DDAH1: variants seen among roughly 807,000 people sequenced by gnomAD.
DDAH1 encodes the protein N(G),N(G)-dimethylarginine dimethylaminohydrolase 1.
DDAH1 carries 19 observed loss-of-function variants against 28.8 expected under a neutral mutation model. The observed-to-expected ratio is 0.66, with a 90% CI of 0.46 to 0.97. The LOEUF (loss-of-function observed/expected upper bound fraction) is 0.97, where lower values mean the gene tolerates loss of function less well. Ranked by LOEUF, DDAH1 falls within the 50% of genes least tolerant of loss-of-function variation. DDAH1 has a pLI of 0.00. For missense variants in DDAH1, 326 were observed against 375.9 expected, an observed-to-expected ratio of 0.87 and a Z score of 1.10; for synonymous variants, 153 against 154.4, an observed-to-expected ratio of 0.99 and a Z score of 0.07.
chr1:85,335,258 T>G (rs980472147), intron 4 of DDAH1, among the ~76,000 whole-genome samples: 8 of 152,144 alleles, frequency 5.3e-5, no homozygotes, highest in African/African-American at 1.7e-4. Context: ...CAGGAATAAG[T>G]CCTCACATAT....
At chr1:85,448,646 T>C (rs1206954748) in intron 1 of DDAH1, among the ~76,000 whole-genome samples, 3 of 152,204 alleles carry the variant, frequency 2.0e-5, no homozygotes, top group African/African-American at 7.2e-5. Flanking sequence ...ATGACCTTTC[T>C]GCCAAAGGAT....
At chr1:85,325,069 TG>T (rs1647292658) in intron 4 of DDAH1, among the ~76,000 whole-genome samples, 186 bp from the exon 5 acceptor site, 1 of 152,234 alleles carries the variant, frequency 6.6e-6, no homozygotes. Flanking sequence ...TATGAGTCTT[TG>T]GAAGAATTGC....
In DDAH1 at chr1:85,464,727, T is replaced by C; in HGVS notation, c.303+16A>G. On this transcript the variant is annotated intron_variant, in intron 1 of 5. Transcript: ENST00000284031. The surrounding 1 kb of genome is among the most constrained non-coding windows in gnomAD (Gnocchi z 4.4). ...CTGGCGCGCGCCCCGGCCGCGCCCC[T>C]CGAGTCGGCAGTTACCTCCTTCCTC... The C allele has an allele frequency of 6.7e-7, 1 of 1,486,146 alleles. No individual in the cohort carries two copies. Among genetic ancestry groups the C allele is most frequent in the Non-Finnish European group, 8.9e-7 (1 of 1,127,564 alleles). 92.1% of individuals were successfully genotyped at this position (1,486,146 alleles called of 1,614,324 possible).
At chr1:85,452,187 T>C (rs758667325) in intron 1 of DDAH1, among the ~76,000 whole-genome samples, 4 of 152,162 alleles carry the variant, frequency 2.6e-5, no homozygotes, top group Non-Finnish European at 5.9e-5. Context: ...TCAATGGAAG[T>C]CAAGTGCCTT....
At chr1:85,537,204 T>C (rs1318838662) in intron 1 of DDAH1, among the ~76,000 whole-genome samples, 1 of 151,328 alleles carries the variant, frequency 6.6e-6, no homozygotes, top group Non-Finnish European at 1.5e-5. Flanking sequence ...CATGGTGACA[T>C]GCACGTGTAG....
intron 4 of DDAH1, among the ~76,000 whole-genome samples, chr1:85,330,168 T>C (rs1362790730): frequency 6.6e-6 from 1 of 152,206 alleles, no homozygotes; most frequent in East Asian, 1.9e-4. Flanking sequence ...GCAGGAAGGC[T>C]GTGTTGCTCT....
intron 1 of DDAH1, among the ~76,000 whole-genome samples, chr1:85,397,295 A>C (rs1273615753): frequency 6.6e-6 from 1 of 152,194 alleles, no homozygotes; most frequent in African/African-American, 2.4e-5. Context: ...GAAAGAATGG[A>C]AAAAATTCTG....
At chr1:85,520,332 C>A (rs1204739833) in intron 1 of DDAH1, among the ~76,000 whole-genome samples, 5 of 152,040 alleles carry the variant, frequency 3.3e-5, no homozygotes, top group Non-Finnish European at 7.3e-5. Flanking sequence ...AGATGCTGAC[C>A]TAATGGCACG....
At chr1:85,455,626 A>G (rs766245525) in intron 1 of DDAH1, among the ~76,000 whole-genome samples, 1 of 152,194 alleles carries the variant, frequency 6.6e-6, no homozygotes, top group East Asian at 1.9e-4. Flanking sequence ...ACTTACAGCA[A>G]TACCTCATCA....
At chr1:85,531,616 C>T (rs367715637) in intron 1 of DDAH1, among the ~76,000 whole-genome samples, 6,477 of 147,462 alleles carry the variant, frequency 0.044, 188 homozygotes, top group African/African-American at 0.08. Flanking sequence ...TATTTTTTTC[C>T]CTATTGTACA....
At chr1:85,379,718 T>C (rs1331944206) in intron 1 of DDAH1, 6 of 984,924 alleles carry the variant, frequency 6.1e-6, no homozygotes, top group Non-Finnish European at 4.8e-6. Context: ...ACTTATCTAT[T>C]TCCCAAACCT....
chr1:85,332,260 G>A (rs770242790), intron 4 of DDAH1, among the ~76,000 whole-genome samples: 1 of 152,176 alleles, frequency 6.6e-6, no homozygotes, highest in Non-Finnish European at 1.5e-5. Flanking sequence ...GCTGCAGGGT[G>A]CAATGCAGGT....
chr1:85,435,930 A>G (rs1325974694), intron 1 of DDAH1, among the ~76,000 whole-genome samples: 1 of 150,388 alleles, frequency 6.6e-6, no homozygotes, highest in Admixed American at 6.7e-5. Flanking sequence ...AGCTGGGACT[A>G]CTGGCGTGTG....
upstream of DDAH1, among the ~76,000 whole-genome samples, chr1:85,470,136 G>T (rs1019313045): frequency 6.6e-6 from 1 of 152,162 alleles, no homozygotes; most frequent in African/African-American, 2.4e-5. Flanking sequence ...TGAGATGGGG[G>T]TGTGTATTAG....
At chr1:85,435,932 T>G (rs562478005) in intron 1 of DDAH1, among the ~76,000 whole-genome samples, 1 of 150,526 alleles carries the variant, frequency 6.6e-6, no homozygotes, top group East Asian at 2.0e-4. Context: ...CTGGGACTAC[T>G]GGCGTGTGCC....
chr1:85,451,560 T>C lies in DDAH1; in HGVS notation c.303+13183A>G, dbSNP rs541316035. Among the ~76,000 whole-genome samples the C allele has an allele frequency of 2.0e-4, 30 of 152,282 alleles. No homozygotes were observed. In the South Asian group the frequency reaches 6.0e-3, roughly 31 times the overall value. ...TGGAACCACAATTTGAATTTATAGC[T>C]GTCCCCTGCCAGTCCTCAGGGCACA... On this transcript the variant is annotated intron_variant, in intron 1 of 5. Transcript: ENST00000284031.
chr1:85,406,513 T>C (rs1652410723), intron 1 of DDAH1, among the ~76,000 whole-genome samples: 1 of 152,168 alleles, frequency 6.6e-6, no homozygotes. Context: ...AACTATTATG[T>C]TTTAAAACTT....
At chr1:85,458,424 CT>C (rs3058826) in intron 1 of DDAH1, among the ~76,000 whole-genome samples, 23,160 of 101,566 alleles carry the variant, frequency 0.23, 2,211 homozygotes, top group Middle Eastern at 0.27. Flanking sequence ...TACACACACA[CT>C]TTTTTTTTTT....
intron 1 of DDAH1, among the ~76,000 whole-genome samples, chr1:85,511,254 G>C (rs1657220157): frequency 6.6e-6 from 1 of 152,022 alleles, no homozygotes. Flanking sequence ...ATGACTACTG[G>C]GTAAATAATG....
Sources: gnomAD v4.1 joint callset for allele counts (sites outside exome capture counted in the v4.1 genomes callset) on GRCh38, gnomAD v4.1.1 for gene constraint, Gnocchi (gnomAD v3.1) non-coding constraint, MANE v1.5 for transcripts, NCBI Gene and HGNC (gene_info 2026-07-23, HGNC 2026-07-21) for gene names.